The following TULP3 variants were observed in gnomAD, a reference collection of about 807,000 sequenced individuals.
TULP3 encodes the protein TUB like protein 3.
A neutral mutation model predicts 50.7 loss-of-function variants in TULP3; 38 were observed. The ratio of observed to expected loss-of-function variants is 0.75; its 90% CI spans 0.58 to 0.98. TULP3 has a LOEUF of 0.98. Ranked by LOEUF, TULP3 falls within the 50% of genes least tolerant of loss-of-function variation. The pLI is 0.00. For missense variants in TULP3, 550 were observed against 568.0 expected, an observed-to-expected ratio of 0.97 and a Z score of 0.32; for synonymous variants, 183 against 196.6, an observed-to-expected ratio of 0.93 and a Z score of 0.58.
intron 1 of TULP3, among the ~76,000 whole-genome samples, chr12:2,899,608 C>T (rs1004185080): frequency 2.0e-5 from 3 of 151,892 alleles, no homozygotes; most frequent in Non-Finnish European, 4.4e-5. Context: ...AACTTGGAGG[C>T]GGGGGCCGGG....
At chr12:2,913,248 AT>A (rs59758761) in intron 2 of TULP3, among the ~76,000 whole-genome samples, 68,886 of 143,468 alleles carry the variant, frequency 0.48, 16,576 homozygotes, top group African/African-American at 0.6. Context: ...GTGGCCTTTT[AT>A]TTTTTTTTAT....
Position 2,940,533 on chromosome 12 carries a change from G to T in TULP3, c.*1089G>T. On this transcript the variant is annotated 3_prime_UTR_variant, in exon 11 of 11. Transcript: ENST00000448120. ...TACACCAGTTCACCCTTCCCAGAAT[G>T]TATCCAAACCTTGAGAATGCAGGAG... is the stretch of plus-strand genomic sequence containing the variant. The T allele has an allele frequency of 6.5e-7, 1 of 1,548,010 alleles. No individual in the cohort carries two copies. The highest frequency in any genetic ancestry group is 8.7e-7 in the Non-Finnish European group (1 of 1,144,982).
At chr12:2,901,467 T>C (rs11614773) in intron 1 of TULP3, among the ~76,000 whole-genome samples, 74,463 of 151,570 alleles carry the variant, frequency 0.49, 19,027 homozygotes, top group African/African-American at 0.64. Context: ...CTGCAACTTC[T>C]GCCTCCCGGG....
chr12:2,905,266 A>T (rs2098181556), intron 1 of TULP3, among the ~76,000 whole-genome samples: 1 of 147,216 alleles, frequency 6.8e-6, no homozygotes. Context: ...GCTCACTGCA[A>T]CCTCCACCTC....
At chr12:2,933,926 G>C (rs2098199652) in intron 7 of TULP3, among the ~76,000 whole-genome samples, 1 of 152,042 alleles carries the variant, frequency 6.6e-6, no homozygotes, top group Non-Finnish European at 1.5e-5. Context: ...CCCCAGCCTG[G>C]GTAACAGAAT....
At position 2,940,493 on chromosome 12, in the gene TULP3, G is replaced by A. The variant is rs564107277; in HGVS notation, c.*1049G>A. On this transcript the variant is annotated 3_prime_UTR_variant, in exon 11 of 11. Transcript: ENST00000448120. The stretch of plus-strand genomic sequence containing the variant: ...TTTTTTGATTATTACACCCCTCCAC[G>A]TATTATGTGACTCTTACACCAGTTC... 378 of 1,519,034 alleles carry A rather than the reference G, an allele frequency of 2.5e-4. 2 individuals carry two copies. Among genetic ancestry groups the A allele is most frequent in the Non-Finnish European group, 2.9e-4 (331 of 1,129,780 alleles). 94.1% of individuals were successfully genotyped at this position (1,519,034 alleles called of 1,614,324 possible). A position where few individuals can be genotyped will look rare whatever the true frequency, so the allele number is the denominator to read the frequency against.
At chr12:2,928,106 G>A (rs1029061212) in intron 4 of TULP3, among the ~76,000 whole-genome samples, 2 of 152,138 alleles carry the variant, frequency 1.3e-5, no homozygotes, top group Non-Finnish European at 2.9e-5. Flanking sequence ...TAACTCAAAT[G>A]TAAGAATAAA....
chr12:2,909,605 A>G (rs1051380656), intron 2 of TULP3, 25 bp downstream of exon 2: 1 of 1,580,830 alleles, frequency 6.3e-7, no homozygotes, highest in Non-Finnish European at 8.6e-7. Flanking sequence ...CTCTTTTGAA[A>G]TAGGTGGCCA....
intron 1 of TULP3, among the ~76,000 whole-genome samples, chr12:2,904,904 A>G (rs1436782889): frequency 6.6e-6 from 1 of 151,942 alleles, no homozygotes; most frequent in African/African-American, 2.4e-5. Context: ...CAGGAGTTTG[A>G]GACGAACCTG....
chr12:2,891,991 A>AG (rs1332087621), intron 1 of TULP3, among the ~76,000 whole-genome samples: 1 of 152,168 alleles, frequency 6.6e-6, no homozygotes, highest in Admixed American at 6.6e-5. Flanking sequence ...GAGACTGAGG[A>AG]GGGAGGATTC....
At chr12:2,891,541 T>C (rs755325442) in intron 1 of TULP3, among the ~76,000 whole-genome samples, 2 of 152,146 alleles carry the variant, frequency 1.3e-5, no homozygotes, top group Non-Finnish European at 2.9e-5. Flanking sequence ...GATTTGCCAG[T>C]GGGCCACACC....
intron 2 of TULP3, among the ~76,000 whole-genome samples, chr12:2,911,664 C>G (rs867906785): frequency 2.6e-5 from 1 of 38,130 alleles, no homozygotes; most frequent in Non-Finnish European, 5.1e-5. Context: ...TGCGCCCAGC[C>G]TTTTTTTTTT....
intron 2 of TULP3, among the ~76,000 whole-genome samples, chr12:2,918,614 C>T (rs1420084677): frequency 6.6e-6 from 1 of 152,066 alleles, no homozygotes. Flanking sequence ...AATCTCAGCT[C>T]GCCGCAACCT....
At chr12:2,898,538 C>G (rs916564996) in intron 1 of TULP3, among the ~76,000 whole-genome samples, 2 of 152,136 alleles carry the variant, frequency 1.3e-5, no homozygotes, top group African/African-American at 4.8e-5. Flanking sequence ...GTCCCAGTTG[C>G]TCATTACTCA....
intron 6 of TULP3, among the ~76,000 whole-genome samples, chr12:2,933,216 C>T (rs989376635): frequency 6.6e-6 from 1 of 152,142 alleles, no homozygotes; most frequent in Non-Finnish European, 1.5e-5. Context: ...GCTGGGATTA[C>T]AGGCGTGAGC....
At chr12:2,933,600 T>C in intron 7 of TULP3, 70 bp downstream of exon 7, 1 of 907,302 alleles carries the variant, frequency 1.1e-6, no homozygotes, top group Non-Finnish European at 1.7e-6. Flanking sequence ...AGAACAGTCC[T>C]TATCTTGGTT....
At chr12:2,892,873 A>AT (rs55689820) in intron 1 of TULP3, among the ~76,000 whole-genome samples, 55,970 of 137,392 alleles carry the variant, frequency 0.41, 11,360 homozygotes, top group East Asian at 0.53. Flanking sequence ...TTTAATTTTA[A>AT]TTTTTTTTTT....
chr12:2,891,416 G>A (rs2098171963), intron 1 of TULP3, among the ~76,000 whole-genome samples: 1 of 152,168 alleles, frequency 6.6e-6, no homozygotes, highest in Non-Finnish European at 1.5e-5. Context: ...TTCTGACGCC[G>A]CTGCTTCGGA....
intron 6 of TULP3, among the ~76,000 whole-genome samples, chr12:2,931,741 G>A (rs1250202918): frequency 6.6e-6 from 1 of 152,078 alleles, no homozygotes; most frequent in Non-Finnish European, 1.5e-5. Context: ...TTAATACCAG[G>A]TCTTAACAGA....
Sources: allele counts gnomAD v4.1 joint callset (sites outside exome capture counted in the v4.1 genomes callset), GRCh38; gene constraint gnomAD v4.1.1; transcripts MANE v1.5; gene names NCBI Gene and HGNC (gene_info 2026-07-23, HGNC 2026-07-21).